The following PHRF1 variants were observed in gnomAD, a reference collection of about 807,000 sequenced individuals.
PHRF1 encodes PHD and RING finger domain-containing protein 1.
A neutral mutation model predicts 128.9 loss-of-function variants in PHRF1; 53 were observed. The observed-to-expected ratio is 0.41, with a 90% CI of 0.33 to 0.52. The LOEUF (loss-of-function observed/expected upper bound fraction) is 0.52. Ranked by LOEUF, PHRF1 falls within the 20% of genes least tolerant of loss-of-function variation. PHRF1 has a pLI of 0.21. For missense variants in PHRF1, 2,503 were observed against 2,284.5 expected (o/e 1.10, Z -1.95); for synonymous variants, 1,178 against 980.6 (o/e 1.20, Z -3.76).
intron 10 of PHRF1, among the ~76,000 whole-genome samples, chr11:602,857 G>A (rs1053064005): frequency 6.6e-6 from 1 of 150,812 alleles, no homozygotes; most frequent in Non-Finnish European, 1.5e-5. Context: ...CCACCTCCCG[G>A]GTTCAAGTGA....
chr11:595,473 C>G (rs1052684137), intron 6 of PHRF1, among the ~76,000 whole-genome samples: 1 of 152,240 alleles, frequency 6.6e-6, no homozygotes, highest in Non-Finnish European at 1.5e-5. Context: ...CCTCCCCTCC[C>G]TGGGCAGGTC....
chr11:594,778 T>A (rs1855185212), intron 6 of PHRF1, among the ~76,000 whole-genome samples: 1 of 152,240 alleles, frequency 6.6e-6, no homozygotes, highest in South Asian at 2.1e-4. Context: ...TAGTACCTTC[T>A]AACAAGGCTC....
chr11:602,753 TTG>T (rs144630408), intron 10 of PHRF1, among the ~76,000 whole-genome samples: 2 of 140,956 alleles, frequency 1.4e-5, no homozygotes, highest in African/African-American at 6.4e-5. Flanking sequence ...TTTTTTGGTT[TTG>T]TTTTTGTTTT....
intron 8 of PHRF1, among the ~76,000 whole-genome samples, chr11:598,022 G>A (rs1855398546): frequency 6.6e-6 from 1 of 152,120 alleles, no homozygotes; most frequent in Admixed American, 6.5e-5. Context: ...GTGTGCCCTT[G>A]GCAAGCCTAA....
intron 3 of PHRF1, among the ~76,000 whole-genome samples, chr11:585,225 G>A (rs1275521939): frequency 6.6e-6 from 1 of 151,090 alleles, no homozygotes; most frequent in African/African-American, 2.4e-5. Context: ...TCCAGCTTGA[G>A]GTAGTAGCCC....
intron 3 of PHRF1, among the ~76,000 whole-genome samples, chr11:582,785 A>G (rs1231510625): frequency 1.3e-5 from 2 of 151,262 alleles, no homozygotes; most frequent in South Asian, 2.1e-4. Context: ...CAGCCTCCCA[A>G]AGTGCTGGGA....
Position 598,521 on chromosome 11 carries a change from A to T in PHRF1, c.1024+19A>T. 1 of 1,597,382 alleles carries T rather than the reference A, an allele frequency of 6.3e-7. No homozygotes were observed. The highest frequency in any genetic ancestry group is 1.3e-5 in the African/African-American group (1 of 74,398). The stretch of plus-strand genomic sequence containing the variant: ...AAGACAAGTAAGCCTGAAGGGATGG[A>T]CTCTCCCGCCAGCCACAGGCTGGGA... On this transcript the variant is annotated intron_variant, in intron 9 of 17. Transcript: ENST00000264555.
At chr11:579,051 G>A (rs1040866234) in intron 1 of PHRF1, among the ~76,000 whole-genome samples, 5 of 152,178 alleles carry the variant, frequency 3.3e-5, no homozygotes, top group Non-Finnish European at 5.9e-5. Flanking sequence ...TGTTGCCTAG[G>A]CTGGTCTTGA....
rs1853839827 is a variant in PHRF1, at chr11:576,596, A to G, written c.-22+4A>G. 1 of 150,728 alleles carries G rather than the reference A, an allele frequency of 6.6e-6. No individual in the cohort carries two copies. The highest frequency in any genetic ancestry group is 1.5e-5 in the Non-Finnish European group (1 of 67,598). The allele number at this position is 150,728 out of a possible 1,614,324, so 9.3% of individuals were successfully genotyped here. A position where few individuals can be genotyped will look rare whatever the true frequency, so the allele number is the denominator to read the frequency against. On this transcript the variant is annotated splice_donor_region_variant and intron_variant, in intron 1 of 17. Transcript: ENST00000264555. ...CTGCGGGACGCGAGGTTTCCGGGTA[A>G]GTGCGGCGGCCGCGCCGGCCCTGGG...
Position 610,569 on chromosome 11 carries a change from C to T in PHRF1, c.4485C>T (p.Ser1495=). The T allele has an allele frequency of 6.2e-7, 1 of 1,606,284 alleles. No individual in the cohort carries two copies. Residue 1495 remains serine (S), a synonymous_variant, in exon 16 of 18, where the codon AGC becomes AGT. Transcript: ENST00000264555. ...GCATCCCACCCTGCGCACTGGTCAGCCAGCCCACGGTCCAGTTCATCCTTC... is the reference window on the plus strand; with the variant it reads ...GCATCCCACCCTGCGCACTGGTCAGTCAGCCCACGGTCCAGTTCATCCTTC... ...PSSIPPCALV[S]QPTVQFILQG... is the part of the protein sequence containing the mutation.
rs1855032000 is a variant in PHRF1, at chr11:592,450, A to G, written c.505-109A>G. The G allele has an allele frequency of 3.6e-6, 4 of 1,101,674 alleles. No individual in the cohort carries two copies. The Admixed American group carries it at 6.9e-5, about 19-fold the overall frequency. The allele number at this position is 1,101,674 out of a possible 1,614,324, so 68.2% of individuals were successfully genotyped here. Reference sequence around the variant, plus strand: ...GACCCTCTGGGCCTGTGGAGCCCAAATATGAATCTAAGGCAATGGGTGGAT... The same window carrying G: ...GACCCTCTGGGCCTGTGGAGCCCAAGTATGAATCTAAGGCAATGGGTGGAT... On this transcript the variant is annotated intron_variant, in intron 5 of 17. Transcript: ENST00000264555.
chr11:592,379 C>A (rs764719686), intron 5 of PHRF1, among the ~76,000 whole-genome samples, 180 bp from the exon 6 acceptor site: 1 of 152,236 alleles, frequency 6.6e-6, no homozygotes, highest in Admixed American at 6.5e-5. Flanking sequence ...GATCACCACC[C>A]TGAGATGGTA....
rs753301996 is a variant in PHRF1, at chr11:610,341, C to T, written c.4410C>T (p.Pro1470=). 27 of 1,563,414 alleles carry T rather than the reference C, an allele frequency of 1.7e-5. No individual in the cohort carries two copies. The highest frequency in any genetic ancestry group is 3.3e-4 in the Middle Eastern group (2 of 5,988). Residue 1470 remains proline (P), a synonymous_variant, in exon 15 of 18, where the codon CCC becomes CCT. Coordinates refer to ENST00000264555, the MANE Select transcript of PHRF1 (RefSeq NM_001286581.2). The stretch of plus-strand genomic sequence containing the variant: ...AACCCGGGTTCCCAGACACAGACCC[C>T]TCTCAGGTGGGTGTCTGGGCTGGAG... The part of the protein sequence containing the change: ...LPEPGFPDTD[P]SQVYSPGLPP...
chr11:610,225 C>G lies in PHRF1; in HGVS notation c.4294C>G (p.Arg1432Gly), dbSNP rs948118817. 3 of 1,544,834 alleles carry G rather than the reference C, an allele frequency of 1.9e-6. No individual in the cohort carries two copies. Among genetic ancestry groups the G allele is most frequent in the Admixed American group, 2.0e-5 (1 of 50,834 alleles). ...RAPLHRPQKPREGAWDMEDVA... is the reference protein window; with the variant it reads ...RAPLHRPQKPGEGAWDMEDVA... The stretch of plus-strand genomic sequence containing the variant: ...ACCACTTCACAGGCCACAGAAGCCC[C>G]GAGAAGGAGCCTGGGACATGGAGGA... The change falls in exon 15 of 18, where the codon CGA becomes GGA. Residue 1432 changes from arginine to glycine, a missense_variant. Arg to Gly is a moderately radical substitution (Grantham distance 125, BLOSUM62 -2). Transcript: ENST00000264555.
At chr11:601,304 C>T (rs919971438) in intron 9 of PHRF1, among the ~76,000 whole-genome samples, 2 of 151,928 alleles carry the variant, frequency 1.3e-5, no homozygotes, top group Admixed American at 1.3e-4. Flanking sequence ...TGGTGCCTAC[C>T]TGTAGTTCCA....
At chr11:590,977 A>G (rs750894555) in intron 4 of PHRF1, among the ~76,000 whole-genome samples, 9 of 152,198 alleles carry the variant, frequency 5.9e-5, no homozygotes, top group Non-Finnish European at 1.2e-4. Context: ...TGCTGGGATT[A>G]CAGGTATGAG....
Position 596,965 on chromosome 11 carries a change from G to A in PHRF1, c.663G>A (p.Pro221=), listed in dbSNP as rs748843639. 5.6e-6 allele frequency: 9 copies of A among 1,613,730 alleles called. No homozygotes were observed. Among genetic ancestry groups the A allele is most frequent in the African/African-American group, 2.7e-5 (2 of 74,904 alleles). ...ECLDPPLQEV[P]VDEWFCPECA... ...TGGACCCCCCTCTCCAGGAGGTGCC[G>A]GTGGACGAGTGGTTCTGCCCGGAAT... Residue 221 remains proline (P), a synonymous_variant, in exon 7 of 18, where the codon CCG becomes CCA. Transcript: ENST00000264555.
Position 602,392 on chromosome 11 carries a change from G to C in PHRF1, c.1152+691G>C, listed in dbSNP as rs183188872. ...AAAACACCTTAATATGTAAAAACTT[G>C]AATTACGGCCGAGCGCGGTGGCTCA... On this transcript the variant is annotated intron_variant, in intron 10 of 17. Transcript: ENST00000264555. Among the ~76,000 whole-genome samples the C allele has an allele frequency of 3.3e-5, 5 of 152,236 alleles. No individual in the cohort carries two copies. The East Asian group carries it at 9.7e-4, about 29-fold the overall frequency.
chr11:605,096 T>G (rs1232186679), intron 10 of PHRF1, 23 bp from the exon 11 acceptor site: 2 of 1,593,250 alleles, frequency 1.3e-6, no homozygotes, highest in African/African-American at 1.3e-5. Flanking sequence ...TCTGTTCATC[T>G]TTTTCTTTGT....
Sources: allele counts gnomAD v4.1 joint callset (sites outside exome capture counted in the v4.1 genomes callset), GRCh38; gene constraint gnomAD v4.1.1; transcripts MANE v1.5; gene names NCBI Gene and HGNC (gene_info 2026-07-23, HGNC 2026-07-21).